Variants in ADGRA1 observed in about 807,000 individuals in gnomAD.
ADGRA1 encodes G-protein coupled receptor 123.
A neutral mutation model predicts 21.3 loss-of-function variants in ADGRA1; 12 were observed. That is an observed-to-expected ratio of 0.56 (90% confidence interval 0.36 to 0.91). The LOEUF is 0.91. ADGRA1 is among the 40% of genes least tolerant of loss of function. The pLI, the probability that ADGRA1 is intolerant of heterozygous loss-of-function variation, is 0.01. For synonymous variants in ADGRA1, 385 were observed against 368.8 expected, an observed-to-expected ratio of 1.04 and a Z score of -0.50; for missense variants, 790 against 805.6, an observed-to-expected ratio of 0.98 and a Z score of 0.23.
Position 133,129,272 on chromosome 10 carries a change from A to C in ADGRA1, c.1444A>C (p.Thr482Pro), listed in dbSNP as rs1300332081. ...CTQGDPFPMV[T>P]QPEGSDGSPA... ...CCAGGGCGACCCCTTCCCCATGGTC[A>C]CCCAGCCCGAGGGCAGTGATGGGAG... The change falls in exon 7 of 7, where the codon ACC (threonine) becomes CCC (proline). Residue 482 changes from threonine to proline, a missense_variant. Coordinates refer to ENST00000392607, the MANE Select transcript of ADGRA1 (RefSeq NM_001083909.3). The C allele has an allele frequency of 1.3e-6, 2 of 1,549,870 alleles. No individual in the cohort carries two copies. Among genetic ancestry groups the C allele is most frequent in the Non-Finnish European group, 1.7e-6 (2 of 1,147,224 alleles).
chr10:133,112,206 C>T (rs1404840694), intron 5 of ADGRA1, among the ~76,000 whole-genome samples: 1 of 152,248 alleles, frequency 6.6e-6, no homozygotes, highest in Admixed American at 6.5e-5. Context: ...CATAGGTGCT[C>T]GGGGGCTGAT....
At chr10:133,092,334 G>A (rs776930464) in intron 2 of ADGRA1, among the ~76,000 whole-genome samples, 13 of 152,114 alleles carry the variant, frequency 8.5e-5, no homozygotes, top group African/African-American at 2.2e-4. Flanking sequence ...ACATCTTCCC[G>A]AAAATTAAGA....
intron 4 of ADGRA1, among the ~76,000 whole-genome samples, chr10:133,098,995 C>G (rs540853159): frequency 6.6e-6 from 1 of 152,360 alleles, no homozygotes; most frequent in African/African-American, 2.4e-5. Context: ...CTGACACTTA[C>G]TGTCCCCAAA....
At chr10:133,096,806 C>T (rs922161210) in intron 2 of ADGRA1, among the ~76,000 whole-genome samples, 168 bp from the exon 3 acceptor site, 5 of 152,240 alleles carry the variant, frequency 3.3e-5, no homozygotes, top group East Asian at 1.9e-4. Flanking sequence ...CATCCACAGA[C>T]GCAGCCTGAC....
chr10:133,111,351 C>CA (rs1852001097), intron 5 of ADGRA1, among the ~76,000 whole-genome samples: 1 of 95,962 alleles, frequency 1.0e-5, no homozygotes, highest in Non-Finnish European at 2.0e-5. Flanking sequence ...CCACAGGCAC[C>CA]TCCCTCCTAA....
chr10:133,090,290 C>T (rs1851576561), intron 2 of ADGRA1, among the ~76,000 whole-genome samples: 2 of 152,200 alleles, frequency 1.3e-5, no homozygotes, highest in South Asian at 2.1e-4. Flanking sequence ...CTCCTGGCTC[C>T]TGGTGGAGCT....
chr10:133,091,357 G>A (rs1047875499), intron 2 of ADGRA1, among the ~76,000 whole-genome samples: 6 of 151,870 alleles, frequency 4.0e-5, no homozygotes, highest in African/African-American at 9.7e-5. Context: ...TGGGATGGGC[G>A]GTGTGGCTGG....
chr10:133,098,940 C>T (rs898346106), intron 4 of ADGRA1, among the ~76,000 whole-genome samples, 177 bp downstream of exon 4: 14 of 152,262 alleles, frequency 9.2e-5, no homozygotes, highest in Non-Finnish European at 1.8e-4. Context: ...ACGTTTGACC[C>T]CAGGGTTGAT....
intron 2 of ADGRA1, chr10:133,095,837 C>T (rs1399197868): frequency 1.1e-5 from 18 of 1,565,994 alleles, no homozygotes; most frequent in East Asian, 6.8e-5. Context: ...CTCCACTTCC[C>T]GCCTCACTCA....
chr10:133,099,369 C>T lies in ADGRA1; in HGVS notation c.255+606C>T, dbSNP rs140733632. Among the ~76,000 whole-genome samples the T allele has an allele frequency of 7.1e-4, 108 of 152,286 alleles. 1 individual carries two copies. Among genetic ancestry groups the T allele is most frequent in the Middle Eastern group, 3.4e-3 (1 of 294 alleles). The stretch of plus-strand genomic sequence containing the variant: ...CCAGGGAGGAACCTGCAGATGCTGC[C>T]GCCTGAGTCACCAGGAGGGCAAGCT... On this transcript the variant is annotated intron_variant, in intron 4 of 6. Coordinates refer to ENST00000392607, the MANE Select transcript of ADGRA1 (RefSeq NM_001083909.3).
At chr10:133,094,801 G>A (rs1265978281) in intron 2 of ADGRA1, among the ~76,000 whole-genome samples, 1 of 152,176 alleles carries the variant, frequency 6.6e-6, no homozygotes, top group Non-Finnish European at 1.5e-5. Context: ...AGAATCCTGG[G>A]GACAAGAATC....
rs1564849468 is a variant in ADGRA1, at chr10:133,111,867, CCCT to C, written c.401+9028_401+9030del. Among the ~76,000 whole-genome samples, 317 of 138,924 alleles carry C rather than the reference CCCT, an allele frequency of 2.3e-3. 4 individuals carry two copies. Among genetic ancestry groups the C allele is most frequent in the Admixed American group, 3.7e-3 (51 of 13,912 alleles). The allele number at this position is 138,924 out of a possible 152,430, so 91.1% of individuals were successfully genotyped here. On this transcript the variant is annotated intron_variant, in intron 5 of 6. Coordinates refer to ENST00000392607, the MANE Select transcript of ADGRA1 (RefSeq NM_001083909.3). Reference sequence around the variant, plus strand: ...CCACCACGGGCACCTCCCTCCTAATCCCTCCAGACCACCTGCCCACCACAGACA... The same window carrying C: ...CCACCACGGGCACCTCCCTCCTAATCCCAGACCACCTGCCCACCACAGACA...
chr10:133,097,117 G>T lies in ADGRA1; in HGVS notation c.131+16G>T. ...TGCACCAGAGGTGAGCCTGGCATGG[G>T]CAAGGGCGCCCCCTGTGCCCAAGAA... On this transcript the variant is annotated intron_variant, in intron 3 of 6. Coordinates refer to ENST00000392607, the MANE Select transcript of ADGRA1 (RefSeq NM_001083909.3). 1 of 1,603,110 alleles carries T rather than the reference G, an allele frequency of 6.2e-7. No individual in the cohort carries two copies. Among genetic ancestry groups the T allele is most frequent in the Middle Eastern group, 1.7e-4 (1 of 6,058 alleles).
At chr10:133,124,351 C>G (rs1021524346) in intron 5 of ADGRA1, among the ~76,000 whole-genome samples, 3 of 152,228 alleles carry the variant, frequency 2.0e-5, no homozygotes, top group Non-Finnish European at 4.4e-5. Flanking sequence ...CCTCCGGACA[C>G]CTCTGGGTCG....
At chr10:133,095,232 C>T (rs2135867071) in intron 2 of ADGRA1, among the ~76,000 whole-genome samples, 1 of 152,274 alleles carries the variant, frequency 6.6e-6, no homozygotes, top group South Asian at 2.1e-4. Context: ...CTCTGGGGCA[C>T]TCAGGAGAAT....
chr10:133,101,026 G>C (rs1340826484), intron 4 of ADGRA1, among the ~76,000 whole-genome samples: 2 of 152,256 alleles, frequency 1.3e-5, no homozygotes, highest in Non-Finnish European at 2.9e-5. Flanking sequence ...GAGGCGAACA[G>C]AAGCCCTCTC....
chr10:133,105,345 A>G (rs932159747), intron 5 of ADGRA1, among the ~76,000 whole-genome samples: 1 of 152,140 alleles, frequency 6.6e-6, no homozygotes, highest in African/African-American at 2.4e-5. Flanking sequence ...AGCCGTGTGT[A>G]AGCCCCCGTC....
intron 5 of ADGRA1, among the ~76,000 whole-genome samples, chr10:133,112,728 G>C (rs866192865): frequency 0.013 from 1,743 of 137,736 alleles, 93 homozygotes; most frequent in African/African-American, 0.038. Flanking sequence ...GGGCCGCGTC[G>C]GTTATTTGAG....
At position 133,128,313 on chromosome 10, in the gene ADGRA1, G is replaced by T. The variant is rs1362764086; in HGVS notation, c.501-16G>T. The stretch of plus-strand genomic sequence containing the variant: ...CCGTGCTGGCCCCGCTGACACTGAC[G>T]TGCGTCTCCCCACAGCTGCTGGATG... On this transcript the variant is annotated splice_polypyrimidine_tract_variant and intron_variant, in intron 6 of 6. Coordinates refer to ENST00000392607, the MANE Select transcript of ADGRA1 (RefSeq NM_001083909.3). 6.6e-7 allele frequency: 1 copy of T among 1,517,112 alleles called. No individual in the cohort carries two copies. Among genetic ancestry groups the T allele is most frequent in the Non-Finnish European group, 8.8e-7 (1 of 1,136,460 alleles). The allele number at this position is 1,517,112 out of a possible 1,614,324, so 94.0% of individuals were successfully genotyped here. A position where few individuals can be genotyped will look rare whatever the true frequency, so the allele number is the denominator to read the frequency against.
Sources: gnomAD v4.1 joint callset for allele counts (sites outside exome capture counted in the v4.1 genomes callset) on GRCh38, gnomAD v4.1.1 for gene constraint, MANE v1.5 for transcripts, NCBI Gene and HGNC (gene_info 2026-07-23, HGNC 2026-07-21) for gene names.